GRID2: variants seen among roughly 807,000 people sequenced by gnomAD.
GRID2 encodes glutamate ionotropic receptor delta type subunit 2.
Under a neutral mutation model 114.8 loss-of-function variants are expected in GRID2, and 33 were observed. The observed-to-expected ratio is 0.29, with a 90% CI of 0.22 to 0.38. The LOEUF (loss-of-function observed/expected upper bound fraction) is 0.38, where lower values mean the gene tolerates loss of function less well. Ranked by LOEUF, GRID2 falls within the 10% of genes least tolerant of loss-of-function variation. The probability of loss-of-function intolerance (pLI) is 1.00; values close to 1 mark genes in which losing one functional copy is unlikely to be tolerated. For missense variants in GRID2, 1,184 were observed against 1,257.7 expected, an observed-to-expected ratio of 0.94 and a Z score of 0.89; for synonymous variants, 505 against 449.9, an observed-to-expected ratio of 1.12 and a Z score of -1.55.
At chr4:93,727,455 G>T (rs1455091988) in intron 14 of GRID2, among the ~76,000 whole-genome samples, 4 of 152,012 alleles carry the variant, frequency 2.6e-5, no homozygotes, top group African/African-American at 4.8e-5. Flanking sequence ...CTCTTTTTTG[G>T]TTGTGTCTCT....
intron 2 of GRID2, among the ~76,000 whole-genome samples, chr4:92,913,625 C>A (rs1748555120): frequency 6.6e-6 from 1 of 151,896 alleles, no homozygotes. Flanking sequence ...TAATCACTAG[C>A]AAAACTGCAG....
intron 1 of GRID2, among the ~76,000 whole-genome samples, chr4:92,352,342 TA>T (rs1256291124): frequency 0.052 from 38 of 730 alleles, no homozygotes; most frequent in South Asian, 0.45. Context: ...TGGATTATTT[TA>T]TTATTATTAT....
At chr4:92,727,715 G>A (rs1194141092) in intron 2 of GRID2, among the ~76,000 whole-genome samples, 1 of 152,018 alleles carries the variant, frequency 6.6e-6, no homozygotes, top group Non-Finnish European at 1.5e-5. Context: ...AACTTGGACT[G>A]GAGCAGGTAA....
rs542581183 is a variant in GRID2, at chr4:93,574,953, G to A, written c.2194-51316G>A. Among the ~76,000 whole-genome samples the A allele has an allele frequency of 3.9e-5, 6 of 152,216 alleles. No individual in the cohort carries two copies. In the South Asian group the frequency reaches 8.3e-4, roughly 21 times the overall value. On this transcript the variant is annotated intron_variant, in intron 13 of 15. Coordinates refer to ENST00000282020, the MANE Select transcript of GRID2 (RefSeq NM_001510.4). Reference sequence around the variant, plus strand: ...CCAAGGATGGCTTCTTCACTCACTCGTCTGGTGCCTTAACTGACCTGGCTA... The same window carrying A: ...CCAAGGATGGCTTCTTCACTCACTCATCTGGTGCCTTAACTGACCTGGCTA...
chr4:92,936,257 T>C (rs1230730066), intron 2 of GRID2, among the ~76,000 whole-genome samples: 2 of 146,452 alleles, frequency 1.4e-5, no homozygotes, highest in Admixed American at 7.4e-5. Flanking sequence ...GTTCAATTAA[T>C]TAATAGCTAA....
At chr4:92,681,831 A>G (rs1733664529) in intron 2 of GRID2, among the ~76,000 whole-genome samples, 1 of 152,186 alleles carries the variant, frequency 6.6e-6, no homozygotes, top group African/African-American at 2.4e-5. Context: ...AGAATGTGGA[A>G]GATGAAGGGT....
intron 1 of GRID2, among the ~76,000 whole-genome samples, chr4:92,415,578 C>CATTTCTGA (rs1421701129): frequency 1.3e-5 from 2 of 151,010 alleles, no homozygotes; most frequent in East Asian, 3.9e-4. Context: ...TTTGGTTTTC[C>CATTTCTGA]ATTTCTGAGT....
At chr4:92,708,793 G>T (rs1170864239) in intron 2 of GRID2, among the ~76,000 whole-genome samples, 1 of 152,160 alleles carries the variant, frequency 6.6e-6, no homozygotes, top group Non-Finnish European at 1.5e-5. Flanking sequence ...AGGCATGGTG[G>T]TGCATGCCTG....
chr4:92,673,366 A>AT (rs1244834172), intron 2 of GRID2, among the ~76,000 whole-genome samples: 3 of 152,124 alleles, frequency 2.0e-5, no homozygotes, highest in Non-Finnish European at 4.4e-5. Flanking sequence ...TACATACGCT[A>AT]TTTTTTAAAT....
chr4:93,629,521 G>A (rs1298729716), intron 14 of GRID2, among the ~76,000 whole-genome samples: 3 of 152,076 alleles, frequency 2.0e-5, no homozygotes, highest in Non-Finnish European at 4.4e-5. Flanking sequence ...AGGAAAAAGA[G>A]ATCTTCCCTT....
chr4:92,784,607 TATGAA>T (rs1739233641), intron 2 of GRID2, among the ~76,000 whole-genome samples: 2 of 152,016 alleles, frequency 1.3e-5, no homozygotes, highest in South Asian at 4.1e-4. Context: ...TATCAGAAAA[TATGAA>T]ATGATAAAAT....
At chr4:92,819,479 A>G (rs113722870) in intron 2 of GRID2, among the ~76,000 whole-genome samples, 3 of 151,864 alleles carry the variant, frequency 2.0e-5, no homozygotes, top group African/African-American at 7.3e-5. Flanking sequence ...GATAAAACCC[A>G]AACAGCCTCA....
intron 1 of GRID2, among the ~76,000 whole-genome samples, chr4:92,352,092 C>T (rs970556614): frequency 3.3e-4 from 50 of 151,894 alleles, no homozygotes; most frequent in Non-Finnish European, 4.0e-4. Flanking sequence ...GTTTTCCACA[C>T]TGGGTGTACT....
intron 2 of GRID2, among the ~76,000 whole-genome samples, chr4:92,766,224 T>C (rs559399789): frequency 2.0e-5 from 3 of 152,266 alleles, no homozygotes; most frequent in Admixed American, 6.5e-5. Context: ...GAAGACCTGG[T>C]AGTCAGCCTC....
At chr4:92,911,022 C>T (rs1748337867) in intron 2 of GRID2, among the ~76,000 whole-genome samples, 1 of 151,936 alleles carries the variant, frequency 6.6e-6, no homozygotes, top group African/African-American at 2.4e-5. Context: ...AGTACAAATA[C>T]TGCACGTTGA....
intron 8 of GRID2, among the ~76,000 whole-genome samples, chr4:93,266,907 C>T (rs377513423): frequency 6.6e-6 from 1 of 152,092 alleles, no homozygotes; most frequent in East Asian, 1.9e-4. Flanking sequence ...GGACCGTGTA[C>T]TCATCACGTA....
intron 1 of GRID2, among the ~76,000 whole-genome samples, chr4:93,805,929 T>C (rs1180884726): frequency 1.3e-5 from 2 of 152,128 alleles, no homozygotes; most frequent in African/African-American, 4.8e-5. Context: ...AAACCCCATC[T>C]TTACTAAAAA....
chr4:93,505,253 G>A (rs1039767525), intron 12 of GRID2, among the ~76,000 whole-genome samples: 26 of 152,122 alleles, frequency 1.7e-4, no homozygotes, highest in African/African-American at 6.0e-4. Context: ...GGAAATTAAC[G>A]GGAATTAGTG....
At chr4:93,273,572 C>T (rs1751737142) in intron 8 of GRID2, among the ~76,000 whole-genome samples, 1 of 151,824 alleles carries the variant, frequency 6.6e-6, no homozygotes. Context: ...GAATTAAAGG[C>T]TATAATTATC....
Sources: gnomAD v4.1 joint callset for allele counts (sites outside exome capture counted in the v4.1 genomes callset) on GRCh38, gnomAD v4.1.1 for gene constraint, MANE v1.5 for transcripts, NCBI Gene and HGNC (gene_info 2026-07-23, HGNC 2026-07-21) for gene names.